The following DISP1 variants were observed in gnomAD, a reference collection of about 807,000 sequenced individuals.
DISP1 encodes the protein protein dispatched homolog 1.
In DISP1, 30 loss-of-function variants were observed where a neutral mutation model predicts 37.3. The observed-to-expected ratio is 0.80, with a 90% CI of 0.60 to 1.09. The LOEUF is 1.09. Among genes scored for constraint, DISP1 ranks in the 50% least tolerant of loss-of-function variants. DISP1 has a pLI of 0.00. For missense variants in DISP1, 1,598 were observed against 1,879.5 expected (o/e 0.85, Z 2.77); for synonymous variants, 634 against 690.2 (o/e 0.92, Z 1.28).
rs1335995969 is a variant in DISP1 at position 223,004,228 on chromosome 1, A to G, written c.2831A>G (p.Tyr944Cys). Residue 944 changes from tyrosine to cysteine, a missense_variant, in exon 9 of 9, where the codon TAT becomes TGT. Transcript: ENST00000675850. The surrounding 1 kb of genome is among the most constrained non-coding windows in gnomAD (Gnocchi z 4.9). ...GCTTATGAAAAGATGCATCAGTTTT[A>G]TAAAGAGGTGGACTCGTGGATATCC... The part of the protein sequence containing the change: ...TLAYEKMHQF[Y>C]KEVDSWISSE... 1.9e-6 allele frequency: 3 copies of G among 1,614,030 alleles called. No individual in the cohort carries two copies. Among genetic ancestry groups the G allele is most frequent in the Non-Finnish European group, 2.5e-6 (3 of 1,180,026 alleles).
At chr1:222,902,544 CA>C (rs1174546388) in intron 1 of DISP1, among the ~76,000 whole-genome samples, 10 of 151,996 alleles carry the variant, frequency 6.6e-5, no homozygotes, top group Admixed American at 2.6e-4. Context: ...AAAATTTTCG[CA>C]ACCTACTCAT....
intron 3 of DISP1, among the ~76,000 whole-genome samples, chr1:222,960,148 C>G (rs889205568): frequency 6.6e-6 from 1 of 152,222 alleles, no homozygotes; most frequent in African/African-American, 2.4e-5. Flanking sequence ...ACAGAACTCT[C>G]CATCCCAAAT....
intron 3 of DISP1, among the ~76,000 whole-genome samples, chr1:222,980,746 C>G (rs567781635): frequency 6.6e-6 from 1 of 152,112 alleles, no homozygotes; most frequent in East Asian, 1.9e-4. Context: ...TTTTTGGTAT[C>G]CTTTATAATG....
At chr1:222,951,701 C>G (rs1675234293) in intron 3 of DISP1, among the ~76,000 whole-genome samples, 1 of 152,166 alleles carries the variant, frequency 6.6e-6, no homozygotes, top group Non-Finnish European at 1.5e-5. Context: ...TTAGCAAGTG[C>G]TTGATGAGTA....
rs61838467 is a variant in DISP1 at position 223,005,295 on chromosome 1, C to T, written c.3898C>T (p.Pro1300Ser). Residue 1300 changes from proline to serine, a missense_variant, in exon 9 of 9, where the codon CCT (proline) becomes TCT (serine). Transcript: ENST00000675850. ...MGDCLCHQCS[P>S]TTSSFVQIQN... ...GGACTGCTTGTGCCACCAGTGCTCTCCTACCACTAGCAGCTTTGTCCAGAT... is the reference window on the plus strand; with the variant it reads ...GGACTGCTTGTGCCACCAGTGCTCTTCTACCACTAGCAGCTTTGTCCAGAT... 6 of 1,613,806 alleles carry T rather than the reference C, an allele frequency of 3.7e-6. No homozygotes were observed. The highest frequency in any genetic ancestry group is 1.3e-5 in the African/African-American group (1 of 75,044).
chr1:222,909,630 C>T (rs557461244), intron 1 of DISP1, among the ~76,000 whole-genome samples: 118 of 152,254 alleles, frequency 7.8e-4, no homozygotes, highest in African/African-American at 2.8e-3. Flanking sequence ...GTTTCAACAC[C>T]ATATCCCACA....
At chr1:222,860,406 A>G (rs1377798606) in intron 1 of DISP1, among the ~76,000 whole-genome samples, 1 of 152,208 alleles carries the variant, frequency 6.6e-6, no homozygotes, top group East Asian at 1.9e-4. Flanking sequence ...TAGTCATCAT[A>G]ATGTAAAACA....
chr1:222,844,279 G>A (rs34791822), intron 1 of DISP1, among the ~76,000 whole-genome samples: 16,499 of 152,126 alleles, frequency 0.11, 1,261 homozygotes, highest in South Asian at 0.16. Context: ...GCTTGTGTAC[G>A]GAGTGAAAGG....
intron 1 of DISP1, among the ~76,000 whole-genome samples, chr1:222,853,903 C>A (rs1019721105): frequency 1.1e-4 from 17 of 151,990 alleles, no homozygotes; most frequent in Non-Finnish European, 2.2e-4. Context: ...TGAGCATTCC[C>A]AACACAAAGA....
chr1:222,822,808 CCTT>C (rs1663272505), intron 1 of DISP1, among the ~76,000 whole-genome samples: 1 of 152,208 alleles, frequency 6.6e-6, no homozygotes. Flanking sequence ...TTGCTGCACA[CCTT>C]CTTAAAATCT....
chr1:222,950,907 A>G (rs1002306838), intron 3 of DISP1, among the ~76,000 whole-genome samples: 1 of 152,252 alleles, frequency 6.6e-6, no homozygotes, highest in African/African-American at 2.4e-5. Flanking sequence ...TCTAAACTAT[A>G]CTTACCTTTT....
intron 3 of DISP1, among the ~76,000 whole-genome samples, chr1:222,955,806 T>G (rs1415197147): frequency 6.6e-6 from 1 of 152,210 alleles, no homozygotes; most frequent in Non-Finnish European, 1.5e-5. Flanking sequence ...AGTTCCTAAA[T>G]AAGACTTTTG....
chr1:222,920,032 G>A (rs145768267), intron 1 of DISP1, among the ~76,000 whole-genome samples: 308 of 152,126 alleles, frequency 2.0e-3, no homozygotes, highest in African/African-American at 5.4e-3. Context: ...ATATTCCTAC[G>A]GAGTCTAACT....
chr1:223,004,103 GT>G lies in DISP1; in HGVS notation c.2707del (p.Tyr903ThrfsTer23). On this transcript the variant is annotated frameshift_variant, in exon 9 of 9. Transcript: ENST00000675850. LOFTEE classifies it low-confidence loss of function (END_TRUNC). This position sits in a 1 kb window ranked among gnomAD's most constrained non-coding sequence, Gnocchi z 4.9. ...AIMELERSTGYHLDSKTPGPR... is the reference protein window; with the variant it reads ...AIMELERSTGXHLDSKTPGPR... ...TCATGGAGCTGGAAAGGAGTACAGG[GT>G]ACCATTTGGATAGCAAAACCCCAGG... The G allele has an allele frequency of 6.2e-7, 1 of 1,614,168 alleles. No homozygotes were observed.
chr1:222,929,916 C>T (rs146077482), intron 2 of DISP1, among the ~76,000 whole-genome samples: 1 of 151,982 alleles, frequency 6.6e-6, no homozygotes, highest in Non-Finnish European at 1.5e-5. Flanking sequence ...TCATATAGCT[C>T]ACATCTTAGA....
At chr1:222,984,421 A>AAAAAAAT (rs1553254646) in intron 4 of DISP1, among the ~76,000 whole-genome samples, 2 of 105,798 alleles carry the variant, frequency 1.9e-5, no homozygotes, top group Admixed American at 1.1e-4. Flanking sequence ...AAAAAAAAAA[A>AAAAAAAT]ATATATATAT....
At chr1:222,885,952 T>A (rs980967117) in intron 1 of DISP1, among the ~76,000 whole-genome samples, 1 of 152,010 alleles carries the variant, frequency 6.6e-6, no homozygotes, top group African/African-American at 2.4e-5. Flanking sequence ...ATGATAGAAT[T>A]AAATATAAAA....
chr1:222,856,405 A>G (rs1347170988), intron 1 of DISP1, among the ~76,000 whole-genome samples: 3 of 152,234 alleles, frequency 2.0e-5, no homozygotes, highest in East Asian at 3.8e-4. Context: ...AGTCAGTGAT[A>G]ATGTGCCTGA....
intron 3 of DISP1, among the ~76,000 whole-genome samples, chr1:222,978,625 G>GT (rs1677590851): frequency 6.6e-6 from 1 of 152,148 alleles, no homozygotes; most frequent in Non-Finnish European, 1.5e-5. Context: ...TATTGCCTAG[G>GT]TTTTCTTCTA....
Sources: gnomAD v4.1 joint callset for allele counts (sites outside exome capture counted in the v4.1 genomes callset) on GRCh38, gnomAD v4.1.1 for gene constraint, Gnocchi (gnomAD v3.1) non-coding constraint, MANE v1.5 for transcripts, NCBI Gene and HGNC (gene_info 2026-07-23, HGNC 2026-07-21) for gene names.